AGBL1: variants seen among roughly 807,000 people sequenced by gnomAD.
AGBL1 encodes the protein AGBL carboxypeptidase 1.
In AGBL1, 130 loss-of-function variants were observed where a neutral mutation model predicts 118.9. The ratio of observed to expected loss-of-function variants is 1.09; its 90% CI spans 0.95 to 1.26. The LOEUF is 1.26. Among genes scored for constraint, AGBL1 ranks in the 50% most tolerant of loss-of-function variants. The pLI, the probability that AGBL1 is intolerant of heterozygous loss-of-function variation, is 0.00. For synonymous variants in AGBL1, 555 were observed against 478.9 expected (o/e 1.16, Z -2.08); for missense variants, 1,584 against 1,298.1 (o/e 1.22, Z -3.38).
At chr15:86,278,614 C>T (rs2079297422) in intron 15 of AGBL1, among the ~76,000 whole-genome samples, 1 of 152,192 alleles carries the variant, frequency 6.6e-6, no homozygotes, top group Non-Finnish European at 1.5e-5. Context: ...TAATTACCTA[C>T]TATTTCTTCC....
At chr15:86,166,856 T>C (rs755512373) in intron 5 of AGBL1, among the ~76,000 whole-genome samples, 1 of 152,304 alleles carries the variant, frequency 6.6e-6, no homozygotes, top group Non-Finnish European at 1.5e-5. Flanking sequence ...TGGTCCTTCA[T>C]ATCCTGGGGA....
intron 21 of AGBL1, among the ~76,000 whole-genome samples, chr15:86,665,671 A>G (rs2085631810): frequency 6.6e-6 from 1 of 151,728 alleles, no homozygotes; most frequent in African/African-American, 2.4e-5. Flanking sequence ...ACATTGAAAA[A>G]CCTTCTCCTG....
At chr15:86,154,188 A>G (rs773268108) in intron 3 of AGBL1, among the ~76,000 whole-genome samples, 2 of 152,194 alleles carry the variant, frequency 1.3e-5, no homozygotes, top group Non-Finnish European at 2.9e-5. Flanking sequence ...ACCTAAATAT[A>G]GGGGCTTGAG....
At chr15:86,931,610 GCT>G (rs1490721247) in intron 23 of AGBL1, among the ~76,000 whole-genome samples, 3 of 125,708 alleles carry the variant, frequency 2.4e-5, no homozygotes, top group African/African-American at 8.6e-5. Flanking sequence ...TGCTGCTGCT[GCT>G]GCTGGTTGTT....
At chr15:86,481,000 G>A (rs1480131392) in intron 18 of AGBL1, among the ~76,000 whole-genome samples, 1 of 151,970 alleles carries the variant, frequency 6.6e-6, no homozygotes, top group Non-Finnish European at 1.5e-5. Context: ...TGCCATTTAA[G>A]GCTGGTGACT....
At chr15:86,352,419 A>C (rs2080641906) in intron 17 of AGBL1, among the ~76,000 whole-genome samples, 1 of 151,928 alleles carries the variant, frequency 6.6e-6, no homozygotes, top group South Asian at 2.1e-4. Context: ...GAATGTTGTG[A>C]ATCAACTGGT....
At chr15:86,749,324 C>A (rs936740606) in intron 22 of AGBL1, among the ~76,000 whole-genome samples, 1 of 151,872 alleles carries the variant, frequency 6.6e-6, no homozygotes, top group Admixed American at 6.6e-5. Flanking sequence ...CTATTATTGG[C>A]GTATAAGAAT....
In AGBL1 at chr15:86,699,108, A is replaced by T. The variant is rs112048345; in HGVS notation, c.3158+24672A>T. ...GTAACATGCCTTTCATATTTTTTTT[A>T]GTGTTTTAATGTTAACCTTTTATCT... is the stretch of plus-strand genomic sequence containing the variant. On this transcript the variant is annotated intron_variant, in intron 22 of 22. Coordinates refer to ENST00000614907, the MANE Select transcript of AGBL1 (RefSeq NM_001386094.1). 5.6e-3 allele frequency among the ~76,000 whole-genome samples: 847 copies of T among 152,056 alleles called. 5 individuals are homozygous for T. The highest frequency in any genetic ancestry group is 0.019 in the African/African-American group (786 of 41,544).
chr15:86,470,555 C>T (rs938533572), intron 18 of AGBL1, among the ~76,000 whole-genome samples: 4 of 152,056 alleles, frequency 2.6e-5, no homozygotes, highest in African/African-American at 9.7e-5. Flanking sequence ...TTTATGATTG[C>T]TTTTTCTACT....
At chr15:86,636,261 A>G (rs114393469) in intron 21 of AGBL1, among the ~76,000 whole-genome samples, 2 of 152,272 alleles carry the variant, frequency 1.3e-5, no homozygotes, top group African/African-American at 2.4e-5. Flanking sequence ...GCAAGGGCCC[A>G]TGAAACCTCA....
intron 17 of AGBL1, among the ~76,000 whole-genome samples, chr15:86,301,693 T>TGTGTGA (rs1357849970): frequency 1.4e-5 from 2 of 139,298 alleles, no homozygotes; most frequent in African/African-American, 5.2e-5. Context: ...TGTGTGTGTG[T>TGTGTGA]GATGTCAAAC....
intron 3 of AGBL1, 80 bp downstream of exon 3, chr15:86,143,925 G>A: frequency 6.6e-7 from 1 of 1,514,542 alleles, no homozygotes; most frequent in South Asian, 1.3e-5. Flanking sequence ...GGGAAGCTTT[G>A]GTGGAGTAGC....
intron 1 of AGBL1, among the ~76,000 whole-genome samples, chr15:86,114,815 A>G (rs1366075128): frequency 3.9e-5 from 6 of 152,238 alleles, no homozygotes; most frequent in Non-Finnish European, 7.3e-5. Context: ...TTCGTATCCT[A>G]TAACGAGATG....
chr15:86,168,150 C>G (rs1176628367), intron 5 of AGBL1, among the ~76,000 whole-genome samples: 1 of 152,168 alleles, frequency 6.6e-6, no homozygotes, highest in African/African-American at 2.4e-5. Context: ...GTTGAAAAGA[C>G]ACAGTCCTTG....
intron 5 of AGBL1, among the ~76,000 whole-genome samples, chr15:86,187,374 A>G (rs1567113053): frequency 6.6e-6 from 1 of 152,212 alleles, no homozygotes; most frequent in South Asian, 2.1e-4. Context: ...TTCTGACTTG[A>G]AACTTCTCTG....
chr15:86,554,575 G>A (rs1223227135), intron 21 of AGBL1, 38 bp downstream of exon 21: 3 of 1,416,120 alleles, frequency 2.1e-6, no homozygotes, highest in Non-Finnish European at 2.8e-6. Context: ...TTTCTGTCCA[G>A]CAACAATACA....
At chr15:86,818,110 G>GAC (rs562324741) in intron 22 of AGBL1, among the ~76,000 whole-genome samples, 2,219 of 150,150 alleles carry the variant, frequency 0.015, 49 homozygotes, top group African/African-American at 0.048. Flanking sequence ...GCGTGTATGT[G>GAC]ACACACACAC....
At chr15:86,162,110 G>A (rs2077274831) in intron 5 of AGBL1, among the ~76,000 whole-genome samples, 1 of 152,110 alleles carries the variant, frequency 6.6e-6, no homozygotes, top group African/African-American at 2.4e-5. Context: ...ACTCCATCCT[G>A]AGAATAGTAA....
At chr15:87,024,769 C>T (rs2081708189) in intron 24 of AGBL1, among the ~76,000 whole-genome samples, 1 of 151,868 alleles carries the variant, frequency 6.6e-6, no homozygotes. Context: ...AACAATATAT[C>T]AAAAAGAAAA....
Sources: allele counts gnomAD v4.1 joint callset (sites outside exome capture counted in the v4.1 genomes callset), GRCh38; gene constraint gnomAD v4.1.1; transcripts MANE v1.5; gene names NCBI Gene and HGNC (gene_info 2026-07-23, HGNC 2026-07-21).